CREB5: variants seen among roughly 807,000 people sequenced by gnomAD.
CREB5 encodes the protein cAMP responsive element binding protein 5, also known as cyclic AMP-responsive element-binding protein 5.
CREB5 carries 19 observed loss-of-function variants against 57.1 expected under a neutral mutation model. The ratio of observed to expected loss-of-function variants is 0.33; its 90% confidence interval spans 0.23 to 0.49. The LOEUF (loss-of-function observed/expected upper bound fraction) is 0.49. CREB5 is among the 20% of genes least tolerant of loss of function. The pLI, the probability that CREB5 is intolerant of heterozygous loss-of-function variation, is 0.99. For missense variants in CREB5, 579 were observed against 671.6 expected, an observed-to-expected ratio of 0.86 and a Z score of 1.52; for synonymous variants, 238 against 238.3, an observed-to-expected ratio of 1.00 and a Z score of 0.01.
chr7:28,612,759 C>T (rs985904534), intron 5 of CREB5, among the ~76,000 whole-genome samples: 2 of 151,952 alleles, frequency 1.3e-5, no homozygotes, highest in Non-Finnish European at 2.9e-5. Flanking sequence ...TAATAAATTT[C>T]GTGTCAGAAA....
intron 5 of CREB5, among the ~76,000 whole-genome samples, chr7:28,690,359 G>A (rs534023637): frequency 2.6e-5 from 4 of 152,236 alleles, no homozygotes; most frequent in African/African-American, 9.6e-5. Context: ...CACCATAGTC[G>A]ATGCTGAACT....
At chr7:28,561,984 G>C (rs930152215) in intron 4 of CREB5, among the ~76,000 whole-genome samples, 1 of 152,178 alleles carries the variant, frequency 6.6e-6, no homozygotes, top group Non-Finnish European at 1.5e-5. Context: ...AACTTCAGGT[G>C]ATCCGACTGC....
At chr7:28,632,639 A>G (rs1365184049) in intron 5 of CREB5, among the ~76,000 whole-genome samples, 2 of 152,226 alleles carry the variant, frequency 1.3e-5, no homozygotes, top group Non-Finnish European at 2.9e-5. Context: ...CCGGGAGGAC[A>G]GAGAACGCTG....
At chr7:28,638,875 A>G (rs1487101697) in intron 5 of CREB5, among the ~76,000 whole-genome samples, 1 of 152,198 alleles carries the variant, frequency 6.6e-6, no homozygotes, top group African/African-American at 2.4e-5. Context: ...TCATAAGTAG[A>G]GAGTACTTTG....
At chr7:28,397,392 G>C (rs915238539) in intron 1 of CREB5, among the ~76,000 whole-genome samples, 4 of 152,120 alleles carry the variant, frequency 2.6e-5, no homozygotes, top group Non-Finnish European at 4.4e-5. Flanking sequence ...AAAAGATAAG[G>C]AGACGTAAGG....
intron 1 of CREB5, among the ~76,000 whole-genome samples, chr7:28,472,334 A>C (rs538497817): frequency 1.3e-5 from 2 of 152,292 alleles, no homozygotes; most frequent in African/African-American, 4.8e-5. Flanking sequence ...TATTCTCTGC[A>C]CTATATGTAT....
At chr7:28,665,106 C>T (rs937347944) in intron 5 of CREB5, among the ~76,000 whole-genome samples, 7 of 152,002 alleles carry the variant, frequency 4.6e-5, no homozygotes, top group South Asian at 2.1e-4. Context: ...TATTGGGTTG[C>T]GATAAGGAGG....
At chr7:28,693,545 G>A (rs1307592126) in intron 5 of CREB5, among the ~76,000 whole-genome samples, 1 of 151,776 alleles carries the variant, frequency 6.6e-6, no homozygotes, top group Non-Finnish European at 1.5e-5. Context: ...GAAAAAAAAT[G>A]TCTGCAAAAC....
chr7:28,754,968 C>T (rs1473436246), intron 7 of CREB5, among the ~76,000 whole-genome samples: 3 of 152,228 alleles, frequency 2.0e-5, no homozygotes, highest in Non-Finnish European at 4.4e-5. Flanking sequence ...CATATAAACT[C>T]GCATTAAGTA....
intron 1 of CREB5, among the ~76,000 whole-genome samples, chr7:28,371,979 A>G (rs1349352468): frequency 6.6e-6 from 1 of 152,170 alleles, no homozygotes; most frequent in Admixed American, 6.5e-5. Context: ...AGTTATTCAA[A>G]GGACCTACGT....
At chr7:28,575,879 C>A (rs1194731137) in intron 5 of CREB5, among the ~76,000 whole-genome samples, 4 of 152,106 alleles carry the variant, frequency 2.6e-5, no homozygotes, top group Non-Finnish European at 1.5e-5. Flanking sequence ...GACAAGGGGG[C>A]CGGCAGCCTT....
At chr7:28,336,521 T>A (rs1354836071) in intron 1 of CREB5, among the ~76,000 whole-genome samples, 2 of 152,088 alleles carry the variant, frequency 1.3e-5, no homozygotes, top group Non-Finnish European at 2.9e-5. Context: ...CTTTTCAATT[T>A]TTCTGGTATC....
Position 28,486,670 on chromosome 7 carries a change from TTATATATATA to T in CREB5, c.4-1491_4-1482del, listed in dbSNP as rs139222705. 1.1e-3 allele frequency among the ~76,000 whole-genome samples: 94 copies of T among 89,148 alleles called. 9 individuals carry two copies. The highest frequency in any genetic ancestry group is 2.8e-3 in the African/African-American group (66 of 23,466). 58.5% of individuals were successfully genotyped at this position (89,148 alleles called of 152,430 possible). On this transcript the variant is annotated intron_variant, in intron 1 of 10. Transcript: ENST00000357727. The stretch of plus-strand genomic sequence containing the variant: ...AACTAAACGTGTATCTCCTATGATT[TTATATATATA>T]TATATATATATATGTTACTGTGTGG...
chr7:28,707,785 T>C (rs1802193801), intron 5 of CREB5, among the ~76,000 whole-genome samples: 2 of 152,268 alleles, frequency 1.3e-5, no homozygotes, highest in Non-Finnish European at 1.5e-5. Flanking sequence ...GATGTACTGT[T>C]ACTATTCTGC....
intron 7 of CREB5, among the ~76,000 whole-genome samples, chr7:28,753,407 C>G (rs1290972776): frequency 6.6e-6 from 1 of 152,120 alleles, no homozygotes; most frequent in African/African-American, 2.4e-5. Context: ...CACACACTCA[C>G]AATTGGTAGA....
intron 1 of CREB5, chr7:28,435,503 G>A (rs574819079): frequency 5.7e-5 from 19 of 335,806 alleles, no homozygotes; most frequent in South Asian, 2.4e-4. Context: ...CTGCTGGGCC[G>A]GCCTTAATAT....
At chr7:28,641,034 G>A (rs905410386) in intron 5 of CREB5, among the ~76,000 whole-genome samples, 1 of 152,172 alleles carries the variant, frequency 6.6e-6, no homozygotes, top group Non-Finnish European at 1.5e-5. Flanking sequence ...GTGTCATCCT[G>A]AACGACATCA....
At chr7:28,574,869 G>A (rs1795844746) in intron 5 of CREB5, among the ~76,000 whole-genome samples, 1 of 152,062 alleles carries the variant, frequency 6.6e-6, no homozygotes, top group South Asian at 2.1e-4. Flanking sequence ...TTTTAATCCT[G>A]GAACATATAT....
chr7:28,593,150 T>A (rs2128665245), intron 5 of CREB5, among the ~76,000 whole-genome samples: 1 of 152,316 alleles, frequency 6.6e-6, no homozygotes, highest in African/African-American at 2.4e-5. Context: ...ATAACCACAC[T>A]CACACATATC....
Sources: allele counts gnomAD v4.1 joint callset (sites outside exome capture counted in the v4.1 genomes callset), GRCh38; gene constraint gnomAD v4.1.1; transcripts MANE v1.5; gene names NCBI Gene and HGNC (gene_info 2026-07-23, HGNC 2026-07-21).